Variants in EXOC4 observed in about 807,000 individuals in gnomAD.
The protein encoded by EXOC4 is SEC8-like 1.
EXOC4 carries 71 observed loss-of-function variants against 107.2 expected under a neutral mutation model. That is an observed-to-expected ratio of 0.66 (90% confidence interval 0.55 to 0.81). The LOEUF is 0.81. Ranked by LOEUF, EXOC4 falls within the 30% of genes least tolerant of loss-of-function variation. The pLI is 0.00. For synonymous variants in EXOC4, 456 were observed against 441.2 expected (o/e 1.03, Z -0.42); for missense variants, 1,108 against 1,189.6 (o/e 0.93, Z 1.01).
chr7:133,813,611 A>G (rs1040878366), intron 10 of EXOC4, among the ~76,000 whole-genome samples: 1 of 152,120 alleles, frequency 6.6e-6, no homozygotes, highest in Admixed American at 6.5e-5. Flanking sequence ...AGATCTTCAA[A>G]TTGTGGCCAT....
intron 10 of EXOC4, among the ~76,000 whole-genome samples, chr7:133,631,820 A>G (rs1366146543): frequency 6.6e-6 from 1 of 152,076 alleles, no homozygotes; most frequent in Admixed American, 6.5e-5. Flanking sequence ...ATTACAATTG[A>G]TTTCTACTTA....
At position 133,755,534 on chromosome 7, in the gene EXOC4, G is replaced by C. The variant is rs547145405; in HGVS notation, c.1515-61791G>C. On this transcript the variant is annotated intron_variant, in intron 10 of 17. Coordinates refer to ENST00000253861, the MANE Select transcript of EXOC4 (RefSeq NM_021807.4). Reference sequence around the variant, plus strand: ...AATTTTTGTATTTTTAGTACAGATGGGGTTTCACCATGTTGGCCAGGATGT... The same window carrying C: ...AATTTTTGTATTTTTAGTACAGATGCGGTTTCACCATGTTGGCCAGGATGT... Among the ~76,000 whole-genome samples, 9 of 150,670 alleles carry C rather than the reference G, an allele frequency of 6.0e-5. No homozygotes were observed. In the South Asian group the frequency reaches 1.9e-3, roughly 31 times the overall value.
intron 17 of EXOC4, among the ~76,000 whole-genome samples, chr7:134,049,980 A>G (rs1198450499): frequency 6.6e-6 from 1 of 152,222 alleles, no homozygotes; most frequent in East Asian, 1.9e-4. Context: ...CACCATTAAG[A>G]AGAATGAGGC....
intron 9 of EXOC4, among the ~76,000 whole-genome samples, chr7:133,487,857 A>G (rs972369283): frequency 2.6e-5 from 4 of 152,220 alleles, no homozygotes; most frequent in African/African-American, 7.2e-5. Context: ...TGGTTTTTTA[A>G]TAAGGTAAAA....
chr7:133,428,417 T>TA (rs2150770959), intron 7 of EXOC4, among the ~76,000 whole-genome samples: 1 of 152,322 alleles, frequency 6.6e-6, no homozygotes, highest in South Asian at 2.1e-4. Flanking sequence ...CCAGTAGCCA[T>TA]AAGCATTTGC....
At chr7:133,257,365 C>T (rs1028611005) in intron 1 of EXOC4, among the ~76,000 whole-genome samples, 9 of 127,370 alleles carry the variant, frequency 7.1e-5, no homozygotes, top group South Asian at 2.5e-4. Context: ...TTTACACACA[C>T]GCACACACAC....
intron 9 of EXOC4, among the ~76,000 whole-genome samples, chr7:133,576,276 C>T (rs535615880): frequency 6.6e-6 from 1 of 151,980 alleles, no homozygotes; most frequent in South Asian, 2.1e-4. Context: ...TTATTTTTTG[C>T]CTGAGAATTA....
intron 7 of EXOC4, among the ~76,000 whole-genome samples, chr7:133,464,631 G>A (rs1175049508): frequency 2.6e-5 from 4 of 152,080 alleles, no homozygotes; most frequent in Non-Finnish European, 2.9e-5. Flanking sequence ...GAATAGTAGA[G>A]TGGAGGTTAT....
chr7:133,660,426 A>G (rs1803412004), intron 10 of EXOC4, among the ~76,000 whole-genome samples: 1 of 152,156 alleles, frequency 6.6e-6, no homozygotes, highest in Non-Finnish European at 1.5e-5. Context: ...TAAGCAGGAG[A>G]AAAGAATGGT....
chr7:133,333,682 T>C (rs867409855), intron 5 of EXOC4, among the ~76,000 whole-genome samples: 44 of 152,342 alleles, frequency 2.9e-4, no homozygotes, highest in African/African-American at 9.9e-4. Context: ...TATTTATTTC[T>C]GTATCTGTTT....
chr7:133,945,149 A>C (rs1257461673), intron 14 of EXOC4, among the ~76,000 whole-genome samples: 1 of 152,202 alleles, frequency 6.6e-6, no homozygotes, highest in Non-Finnish European at 1.5e-5. Flanking sequence ...TAGGTATGAC[A>C]TGGGCAACAG....
intron 10 of EXOC4, among the ~76,000 whole-genome samples, chr7:133,800,373 T>A (rs886305347): frequency 6.6e-6 from 1 of 152,210 alleles, no homozygotes; most frequent in East Asian, 1.9e-4. Context: ...GATATCGTCT[T>A]CTTCTAGAGA....
At chr7:133,711,388 A>T (rs1321289315) in intron 10 of EXOC4, among the ~76,000 whole-genome samples, 1 of 152,204 alleles carries the variant, frequency 6.6e-6, no homozygotes, top group Non-Finnish European at 1.5e-5. Context: ...AGTTTCATGG[A>T]TTTTTGTGGA....
intron 11 of EXOC4, among the ~76,000 whole-genome samples, chr7:133,868,580 C>A (rs752710825): frequency 4.6e-5 from 7 of 152,138 alleles, no homozygotes; most frequent in Non-Finnish European, 7.4e-5. Context: ...TCAAGTAATT[C>A]TTTTATGAAC....
At chr7:133,881,239 C>T (rs1355003430) in intron 11 of EXOC4, among the ~76,000 whole-genome samples, 1 of 152,018 alleles carries the variant, frequency 6.6e-6, no homozygotes. Context: ...TCACTGAGCC[C>T]TCCCACCTGA....
At chr7:133,542,198 T>TGTGG (rs1484610793) in intron 9 of EXOC4, among the ~76,000 whole-genome samples, 1 of 151,602 alleles carries the variant, frequency 6.6e-6, no homozygotes, top group Non-Finnish European at 1.5e-5. Context: ...TGTGTGTGTG[T>TGTGG]GCCTTCAGAA....
At chr7:133,542,455 T>G (rs1563102331) in intron 9 of EXOC4, among the ~76,000 whole-genome samples, 3 of 152,146 alleles carry the variant, frequency 2.0e-5, no homozygotes, top group African/African-American at 2.4e-5. Context: ...TTATGACCTA[T>G]AGTGAAACAA....
At position 133,519,914 on chromosome 7, in the gene EXOC4, A is replaced by G. The variant is rs1309179337; in HGVS notation, c.1417+39776A>G. On this transcript the variant is annotated intron_variant, in intron 9 of 17. Transcript: ENST00000253861. Reference sequence around the variant, plus strand: ...TACTACAGAAATTTGGAAAAATCTCACAGATAATGTGTGGTTTAATTCACC... The same window carrying G: ...TACTACAGAAATTTGGAAAAATCTCGCAGATAATGTGTGGTTTAATTCACC... Among the ~76,000 whole-genome samples the G allele has an allele frequency of 3.9e-5, 6 of 152,312 alleles. No homozygotes were observed. The East Asian group carries it at 1.2e-3, about 29-fold the overall frequency.
intron 9 of EXOC4, among the ~76,000 whole-genome samples, chr7:133,629,083 T>C (rs1377643748): frequency 2.0e-5 from 3 of 152,218 alleles, no homozygotes; most frequent in Non-Finnish European, 2.9e-5. Context: ...ATTTTTCTTA[T>C]ATTTCCTTAT....
Sources: gnomAD v4.1 joint callset for allele counts (sites outside exome capture counted in the v4.1 genomes callset) on GRCh38, gnomAD v4.1.1 for gene constraint, MANE v1.5 for transcripts, NCBI Gene and HGNC (gene_info 2026-07-23, HGNC 2026-07-21) for gene names.